DCP1A: variants seen among roughly 807,000 people sequenced by gnomAD.
The protein encoded by DCP1A is decapping mRNA 1A.
A neutral mutation model predicts 58.0 loss-of-function variants in DCP1A; 20 were observed. The observed-to-expected ratio is 0.34, with a 90% CI of 0.24 to 0.50. The LOEUF (loss-of-function observed/expected upper bound fraction) is 0.50, where lower values mean the gene tolerates loss of function less well. Among genes scored for constraint, DCP1A ranks in the 20% least tolerant of loss-of-function variants. The probability of loss-of-function intolerance (pLI) is 0.98; values close to 1 mark genes in which losing one functional copy is unlikely to be tolerated. For synonymous variants in DCP1A, 285 were observed against 275.1 expected, an observed-to-expected ratio of 1.04 and a Z score of -0.36; for missense variants, 613 against 712.2, an observed-to-expected ratio of 0.86 and a Z score of 1.59.
At chr3:53,287,888 T>TC (rs1251964730) in intron 9 of DCP1A, among the ~76,000 whole-genome samples, 177 bp downstream of exon 9, 1 of 147,296 alleles carries the variant, frequency 6.8e-6, no homozygotes, top group Admixed American at 6.8e-5. Flanking sequence ...TCTGTTTTTG[T>TC]TTTTTTTTTG....
At position 53,285,632 on chromosome 3, in the gene DCP1A, T is replaced by C. The variant is rs1043111789; in HGVS notation, c.*1948A>G. ...AATTAGTATGATCACAGACTCTCTT[T>C]AGGATATTCTCTCTTAACTCTCTCA... On this transcript the variant is annotated 3_prime_UTR_variant, in exon 10 of 10. Coordinates refer to ENST00000610213, the MANE Select transcript of DCP1A (RefSeq NM_018403.7). 6.6e-6 allele frequency: 1 copy of C among 152,182 alleles called. No individual in the cohort carries two copies. The highest frequency in any genetic ancestry group is 6.5e-5 in the Admixed American group (1 of 15,282). 9.4% of individuals were successfully genotyped at this position (152,182 alleles called of 1,614,324 possible).
intron 5 of DCP1A, 25 bp downstream of exon 5, chr3:53,312,216 C>T: frequency 6.4e-7 from 1 of 1,555,506 alleles, no homozygotes; most frequent in Non-Finnish European, 8.7e-7. Flanking sequence ...CCCTGGTCAG[C>T]ACCCAAGTAC....
At chr3:53,294,651 C>T (rs1707055001) in intron 6 of DCP1A, among the ~76,000 whole-genome samples, 1 of 152,224 alleles carries the variant, frequency 6.6e-6, no homozygotes. Context: ...TCCTATCAAC[C>T]ACCCACAGGC....
chr3:53,297,275 C>A (rs1356283107), intron 6 of DCP1A, among the ~76,000 whole-genome samples: 2 of 151,710 alleles, frequency 1.3e-5, no homozygotes, highest in Non-Finnish European at 2.9e-5. Context: ...TGGGTTAATT[C>A]CTTTTTATAC....
chr3:53,325,846 G>C, intron 3 of DCP1A, among the ~76,000 whole-genome samples: 1 of 152,160 alleles, frequency 6.6e-6, no homozygotes, highest in East Asian at 1.9e-4. Context: ...GATCATAACA[G>C]ATTTTGGCAT....
At chr3:53,311,270 A>C (rs1553688610) in intron 5 of DCP1A, among the ~76,000 whole-genome samples, 2 of 152,214 alleles carry the variant, frequency 1.3e-5, no homozygotes, top group African/African-American at 4.8e-5. Flanking sequence ...GCATGAAAGG[A>C]AAGCACTTAA....
intron 2 of DCP1A, among the ~76,000 whole-genome samples, chr3:53,343,351 A>G (rs1553692805): frequency 6.6e-6 from 1 of 152,174 alleles, no homozygotes; most frequent in African/African-American, 2.4e-5. Context: ...ATAGTCTCAC[A>G]TTTTCCAAAC....
At chr3:53,312,784 C>A (rs1025759207) in intron 4 of DCP1A, among the ~76,000 whole-genome samples, 1 of 152,126 alleles carries the variant, frequency 6.6e-6, no homozygotes, top group East Asian at 1.9e-4. Context: ...AGCCACCGCG[C>A]CCAGCCGATT....
chr3:53,317,755 C>A (rs1707854944), intron 4 of DCP1A, among the ~76,000 whole-genome samples: 1 of 152,096 alleles, frequency 6.6e-6, no homozygotes, highest in Non-Finnish European at 1.5e-5. Flanking sequence ...GTTCTAAAAA[C>A]AAAGCGTGGC....
chr3:53,325,865 CACTT>C (rs1184452515), intron 3 of DCP1A, among the ~76,000 whole-genome samples: 2 of 152,190 alleles, frequency 1.3e-5, no homozygotes, highest in African/African-American at 4.8e-5. Context: ...ATGTTACAAA[CACTT>C]AGGTAGATGA....
At chr3:53,319,335 A>C (rs1345843307) in intron 4 of DCP1A, 72 bp downstream of exon 4, 1 of 1,003,180 alleles carries the variant, frequency 1.0e-6, no homozygotes, top group African/African-American at 1.7e-5. Context: ...TTTAGTAACA[A>C]AGAGAAGTGG....
intron 1 of DCP1A, among the ~76,000 whole-genome samples, chr3:53,346,973 G>C (rs1342936175): frequency 1.3e-5 from 2 of 152,046 alleles, no homozygotes; most frequent in Non-Finnish European, 2.9e-5. Context: ...GAGGAGGAGT[G>C]TTTATTTTAT....
rs1706600639 is a variant in DCP1A, at chr3:53,285,474, T to G, written c.*2106A>C. 1 of 152,128 alleles carries G rather than the reference T, an allele frequency of 6.6e-6. No homozygotes were observed. The highest frequency in any genetic ancestry group is 1.5e-5 in the Non-Finnish European group (1 of 68,018). 9.4% of individuals were successfully genotyped at this position (152,128 alleles called of 1,614,324 possible). ...AAGTAAATACTTTGAATATATAAATTTGGGAGGTGAAACAGGTTTACCCTT... is the reference window on the plus strand; with the variant it reads ...AAGTAAATACTTTGAATATATAAATGTGGGAGGTGAAACAGGTTTACCCTT... On this transcript the variant is annotated 3_prime_UTR_variant, in exon 10 of 10. Transcript: ENST00000610213.
rs571952383 is a variant in DCP1A, at chr3:53,295,591, G to GA, written c.625-2765dup. The stretch of plus-strand genomic sequence containing the variant: ...TTTGAGACAGGGTCTCATTCAGTCA[G>GA]ACTGGAGTGCAGTGGTGTGATCACA... On this transcript the variant is annotated intron_variant, in intron 6 of 9. Coordinates refer to ENST00000610213, the MANE Select transcript of DCP1A (RefSeq NM_018403.7). Among the ~76,000 whole-genome samples the GA allele has an allele frequency of 1.6e-4, 24 of 152,228 alleles. No individual in the cohort carries two copies. The South Asian group carries it at 5.0e-3, about 32-fold the overall frequency.
chr3:53,292,306 C>G lies in DCP1A; in HGVS notation c.1146G>C (p.Thr382=). The change falls in exon 7 of 10, where the codon ACG becomes ACC. Residue 382 remains threonine (T), a synonymous_variant. Coordinates refer to ENST00000610213, the MANE Select transcript of DCP1A (RefSeq NM_018403.7). ...QSPFRAPLNV[T]NTAGTSLPSV... ...TTGGGAGGGATGTGCCAGCTGTGTTCGTCACGTTCAATGGGGCCCTGAAGG... is the reference window on the plus strand; with the variant it reads ...TTGGGAGGGATGTGCCAGCTGTGTTGGTCACGTTCAATGGGGCCCTGAAGG... The G allele has an allele frequency of 6.2e-7, 1 of 1,613,638 alleles. No individual in the cohort carries two copies. The highest frequency in any genetic ancestry group is 1.1e-5 in the South Asian group (1 of 91,060).
intron 6 of DCP1A, among the ~76,000 whole-genome samples, chr3:53,300,947 C>T (rs1707296541): frequency 6.6e-6 from 1 of 152,148 alleles, no homozygotes; most frequent in Non-Finnish European, 1.5e-5. Context: ...CATGCCTGAC[C>T]TTATAATTCT....
intron 3 of DCP1A, among the ~76,000 whole-genome samples, chr3:53,333,525 C>T (rs1254999483): frequency 6.6e-6 from 1 of 151,982 alleles, no homozygotes; most frequent in African/African-American, 2.4e-5. Context: ...TGTCTGTGGC[C>T]AGATGTGGTG....
intron 1 of DCP1A, among the ~76,000 whole-genome samples, chr3:53,345,295 T>A (rs1445278653): frequency 3.3e-5 from 5 of 152,206 alleles, no homozygotes; most frequent in African/African-American, 1.2e-4. Context: ...AGGTCCTGTA[T>A]ACTGCAATTT....
At chr3:53,309,961 T>C (rs1363315709) in intron 5 of DCP1A, among the ~76,000 whole-genome samples, 3 of 152,054 alleles carry the variant, frequency 2.0e-5, no homozygotes, top group African/African-American at 7.2e-5. Flanking sequence ...TCTGAAAAAA[T>C]GTGGCAGCTG....
Sources: gnomAD v4.1 joint callset for allele counts (sites outside exome capture counted in the v4.1 genomes callset) on GRCh38, gnomAD v4.1.1 for gene constraint, MANE v1.5 for transcripts, NCBI Gene and HGNC (gene_info 2026-07-23, HGNC 2026-07-21) for gene names.